STC2: variants seen among roughly 807,000 people sequenced by gnomAD.
STC2 encodes the protein stanniocalcin 2, also known as stanniocalcin-2.
A neutral mutation model predicts 22.7 loss-of-function variants in STC2; 7 were observed. The ratio of observed to expected loss-of-function variants is 0.31; its 90% CI spans 0.18 to 0.58. The LOEUF (loss-of-function observed/expected upper bound fraction) is 0.58. Ranked by LOEUF, STC2 falls within the 20% of genes least tolerant of loss-of-function variation. STC2 has a pLI of 0.89. For synonymous variants in STC2, 158 were observed against 163.4 expected (o/e 0.97, Z 0.25); for missense variants, 336 against 406.2 (o/e 0.83, Z 1.48).
chr5:173,324,875 G>A (rs1762527905), intron 2 of STC2, among the ~76,000 whole-genome samples: 1 of 152,182 alleles, frequency 6.6e-6, no homozygotes, highest in African/African-American at 2.4e-5. Context: ...GGAGTTCAAA[G>A]TTCTACCTCT....
chr5:173,323,071 G>C lies in STC2; in HGVS notation c.506+148C>G, dbSNP rs924901831. On this transcript the variant is annotated intron_variant, in intron 3 of 3. Coordinates refer to ENST00000265087, the MANE Select transcript of STC2 (RefSeq NM_003714.3). This position sits in a 1 kb window ranked among gnomAD's most constrained non-coding sequence, Gnocchi z 5.4. ...CCAGCAGGAAAGGGGCCTTTTAGTA[G>C]AGTCAGTGTAGCTTTCTGAAGTAAA... is the stretch of plus-strand genomic sequence containing the variant. The C allele has an allele frequency of 7.3e-5, 52 of 709,930 alleles. No individual in the cohort carries two copies. The African/African-American group carries it at 8.4e-4, about 11-fold the overall frequency. 44.0% of individuals were successfully genotyped at this position (709,930 alleles called of 1,614,324 possible). A position where few individuals can be genotyped will look rare whatever the true frequency, so the allele number is the denominator to read the frequency against.
chr5:173,326,112 A>G (rs1762543504), intron 1 of STC2, 102 bp from the exon 2 acceptor site: 1 of 1,379,320 alleles, frequency 7.2e-7, no homozygotes, highest in South Asian at 1.5e-5. Flanking sequence ...AGGAAAATTT[A>G]AGGAGGAAAA....
At position 173,318,266 on chromosome 5, in the gene STC2, AAGAGAGAGAGAG is replaced by A. The variant is rs4041247; in HGVS notation, c.507-29_507-18del. The A allele has an allele frequency of 1.5e-5, 19 of 1,235,928 alleles. No homozygotes were observed. Among genetic ancestry groups the A allele is most frequent in the African/African-American group, 5.3e-5 (3 of 56,096 alleles). 76.6% of individuals were successfully genotyped at this position (1,235,928 alleles called of 1,614,324 possible). A position where few individuals can be genotyped will look rare whatever the true frequency, so the allele number is the denominator to read the frequency against. On this transcript the variant is annotated intron_variant, in intron 3 of 3. Coordinates refer to ENST00000265087, the MANE Select transcript of STC2 (RefSeq NM_003714.3). The stretch of plus-strand genomic sequence containing the variant: ...ACGTAGGGTCTAAAGATTGAAAGCA[AAGAGAGAGAGAG>A]AGAGAGAGAGAGAGAGAGAGAGGCT...
In STC2 at chr5:173,315,169, A is replaced by C. The variant is rs1205032725; in HGVS notation, c.*2678T>G. On this transcript the variant is annotated 3_prime_UTR_variant, in exon 4 of 4. Coordinates refer to ENST00000265087, the MANE Select transcript of STC2 (RefSeq NM_003714.3). ...GAGATCCACATCCTTCCTCAAAGGA[A>C]GGCTCATGAGTAAATTTGTATGCAG... 4.6e-5 allele frequency: 7 copies of C among 152,242 alleles called. No individual in the cohort carries two copies. Among genetic ancestry groups the C allele is most frequent in the African/African-American group, 1.7e-4 (7 of 41,460 alleles). The allele number at this position is 152,242 out of a possible 1,614,324, so 9.4% of individuals were successfully genotyped here.
intron 3 of STC2, among the ~76,000 whole-genome samples, chr5:173,320,109 C>G (rs1021499716): frequency 3.9e-5 from 6 of 152,248 alleles, no homozygotes; most frequent in African/African-American, 1.4e-4. Flanking sequence ...GCCGCGGCAC[C>G]AGGGCTAGGT....
At chr5:173,327,739 GGGGCGGGGGC>G (rs1762568195) in intron 1 of STC2, among the ~76,000 whole-genome samples, 1 of 152,254 alleles carries the variant, frequency 6.6e-6, no homozygotes, top group African/African-American at 2.4e-5. Flanking sequence ...CCGGGATTCG[GGGGCGGGGGC>G]TGGCGCTGGC....
intron 3 of STC2, among the ~76,000 whole-genome samples, chr5:173,320,942 C>A (rs182542177): frequency 1.3e-5 from 2 of 151,376 alleles, no homozygotes; most frequent in Non-Finnish European, 2.9e-5. Context: ...GCTAGAAGTA[C>A]AAGTCGATGC....
chr5:173,328,359 G>A lies in STC2; in HGVS notation c.-166C>T. The A allele has an allele frequency of 6.1e-6, 4 of 655,408 alleles. No individual in the cohort carries two copies. In the South Asian group the frequency reaches 1.7e-4, roughly 28 times the overall value. The allele number at this position is 655,408 out of a possible 1,614,324, so 40.6% of individuals were successfully genotyped here. On this transcript the variant is annotated 5_prime_UTR_variant, in exon 1 of 4. Transcript: ENST00000265087. The stretch of plus-strand genomic sequence containing the variant: ...GCGGCTCGGATAGAGGTTACCCAGC[G>A]CCCTCCCGTAGCTCTCCGGAGAGCA...
In STC2 at chr5:173,323,356, C is replaced by A. The variant is rs756317764; in HGVS notation, c.369G>T (p.Arg123=). ...CCATTTCCCTGATGGCCGGGCACTT[C>A]CGGCTTATGCAGCCGAACCTGTGCC... ...ALRHRFGCIS[R]KCPAIREMVS... is the part of the protein sequence containing the mutation. The change falls in exon 3 of 4, where the codon CGG becomes CGT. Residue 123 remains arginine (R), a synonymous_variant. Coordinates refer to ENST00000265087, the MANE Select transcript of STC2 (RefSeq NM_003714.3). This position sits in a 1 kb window ranked among gnomAD's most constrained non-coding sequence, Gnocchi z 5.4. 6.2e-7 allele frequency: 1 copy of A among 1,614,216 alleles called. No homozygotes were observed.
chr5:173,315,258 A>G lies in STC2; in HGVS notation c.*2589T>C, dbSNP rs1029311546. ...TTTGCTTACATTTTAGATTGTGCAA[A>G]TGTCTCAATCAATGCTTGCAGGAAT... On this transcript the variant is annotated 3_prime_UTR_variant, in exon 4 of 4. Transcript: ENST00000265087. The G allele has an allele frequency of 3.3e-5, 5 of 152,200 alleles. No homozygotes were observed. The highest frequency in any genetic ancestry group is 4.8e-5 in the African/African-American group (2 of 41,456). The allele number at this position is 152,200 out of a possible 1,614,324, so 9.4% of individuals were successfully genotyped here.
Position 173,328,333 on chromosome 5 carries a change from C to T in STC2, c.-140G>A. On this transcript the variant is annotated 5_prime_UTR_variant, in exon 1 of 4. Transcript: ENST00000265087. ...TCGCCTTTTCCCTCCTCCTCGCGGC[C>T]GCGGCTCGGATAGAGGTTACCCAGC... 1.0e-6 allele frequency: 1 copy of T among 990,884 alleles called. No individual in the cohort carries two copies. Among genetic ancestry groups the T allele is most frequent in the Non-Finnish European group, 1.4e-6 (1 of 730,966 alleles). 61.4% of individuals were successfully genotyped at this position (990,884 alleles called of 1,614,324 possible). A position where few individuals can be genotyped will look rare whatever the true frequency, so the allele number is the denominator to read the frequency against.
At position 173,323,395 on chromosome 5, in the gene STC2, C is replaced by T. The variant is rs1762509509; in HGVS notation, c.330G>A (p.Lys110=). Residue 110 remains lysine (K), a synonymous_variant, in exon 3 of 4, where the codon AAG becomes AAA. Transcript: ENST00000265087. The surrounding 1 kb of genome is among the most constrained non-coding windows in gnomAD (Gnocchi z 5.4). ...CGAACCTGTGCCGCAGAGCGTGGGC[C>T]TTACATTTCAAGGCGTCTTTGATGA... is the stretch of plus-strand genomic sequence containing the variant. ...KSFIKDALKC[K]AHALRHRFGC... The T allele has an allele frequency of 6.2e-7, 1 of 1,613,658 alleles. No individual in the cohort carries two copies. Among genetic ancestry groups the T allele is most frequent in the Non-Finnish European group, 8.5e-7 (1 of 1,179,834 alleles).
At position 173,322,260 on chromosome 5, in the gene STC2, T is replaced by C. The variant is rs146368735; in HGVS notation, c.506+959A>G. Among the ~76,000 whole-genome samples, 383 of 152,222 alleles carry C rather than the reference T, an allele frequency of 2.5e-3. 1 individual carries two copies. The highest frequency in any genetic ancestry group is 4.4e-3 in the Non-Finnish European group (299 of 68,020). On this transcript the variant is annotated intron_variant, in intron 3 of 3. Coordinates refer to ENST00000265087, the MANE Select transcript of STC2 (RefSeq NM_003714.3). Reference sequence around the variant, plus strand: ...ACTGGTTGGCTAGTGGCTTTCTTTCTGCCCTGTGTCTCTTAGGAAAGAGCC... The same window carrying C: ...ACTGGTTGGCTAGTGGCTTTCTTTCCGCCCTGTGTCTCTTAGGAAAGAGCC...
intron 3 of STC2, among the ~76,000 whole-genome samples, chr5:173,318,632 G>C (rs761015577): frequency 6.6e-6 from 1 of 152,182 alleles, no homozygotes; most frequent in South Asian, 2.1e-4. Context: ...CTAGAGTGGA[G>C]ATGGCTCTGG....
chr5:173,322,434 T>C (rs1762497717), intron 3 of STC2, among the ~76,000 whole-genome samples: 1 of 152,238 alleles, frequency 6.6e-6, no homozygotes, highest in Admixed American at 6.5e-5. Flanking sequence ...CCTGAATTTA[T>C]CATTGAATTT....
Position 173,323,845 on chromosome 5 carries a change from T to C in STC2, c.295-415A>G, listed in dbSNP as rs1300938457. Among the ~76,000 whole-genome samples the C allele has an allele frequency of 6.6e-6, 1 of 152,138 alleles. No individual in the cohort carries two copies. The highest frequency in any genetic ancestry group is 1.5e-5 in the Non-Finnish European group (1 of 68,032). On this transcript the variant is annotated intron_variant, in intron 2 of 3. Coordinates refer to ENST00000265087, the MANE Select transcript of STC2 (RefSeq NM_003714.3). The surrounding 1 kb of genome is among the most constrained non-coding windows in gnomAD (Gnocchi z 5.4). ...AATCCCTCACGGTTCTCACAAGCAGTCTTCCCTAAGTGGAAGGTGCCTGCA... is the reference window on the plus strand; with the variant it reads ...AATCCCTCACGGTTCTCACAAGCAGCCTTCCCTAAGTGGAAGGTGCCTGCA...
At chr5:173,327,257 G>A (rs1425237712) in intron 1 of STC2, among the ~76,000 whole-genome samples, 1 of 152,266 alleles carries the variant, frequency 6.6e-6, no homozygotes, top group African/African-American at 2.4e-5. Flanking sequence ...CCCCAAAGTC[G>A]GGGGAGGGGT....
intron 2 of STC2, among the ~76,000 whole-genome samples, chr5:173,324,790 G>A (rs886185760): frequency 7.2e-5 from 11 of 152,184 alleles, no homozygotes; most frequent in Admixed American, 1.3e-4. Flanking sequence ...TTAAATACAC[G>A]TCTTTCCTCC....
In STC2 at chr5:173,323,517, CT is replaced by C. The variant is rs1268793408; in HGVS notation, c.295-88del. 3.9e-6 allele frequency: 5 copies of C among 1,291,180 alleles called. No individual in the cohort carries two copies. Among genetic ancestry groups the C allele is most frequent in the Non-Finnish European group, 5.4e-6 (5 of 925,350 alleles). The allele number at this position is 1,291,180 out of a possible 1,614,324, so 80.0% of individuals were successfully genotyped here. Reference sequence around the variant, plus strand: ...CTTGGACATTTCAGCCCTTCTTGGGCTTACACAGGATATTTCTGACATCAGA... The same window carrying C: ...CTTGGACATTTCAGCCCTTCTTGGGCTACACAGGATATTTCTGACATCAGA... On this transcript the variant is annotated intron_variant, in intron 2 of 3. Transcript: ENST00000265087. The surrounding 1 kb of genome is among the most constrained non-coding windows in gnomAD (Gnocchi z 5.4).
Sources: gnomAD v4.1 joint callset for allele counts (sites outside exome capture counted in the v4.1 genomes callset) on GRCh38, gnomAD v4.1.1 for gene constraint, Gnocchi (gnomAD v3.1) non-coding constraint, MANE v1.5 for transcripts, NCBI Gene and HGNC (gene_info 2026-07-23, HGNC 2026-07-21) for gene names.